The following GMDS variants were observed in gnomAD, a reference collection of about 807,000 sequenced individuals.
The protein encoded by GMDS is GDP-mannose 4,6-dehydratase.
GMDS carries 20 observed loss-of-function variants against 49.9 expected under a neutral mutation model. The ratio of observed to expected loss-of-function variants is 0.40; its 90% confidence interval spans 0.28 to 0.58. GMDS has a LOEUF of 0.58. Ranked by LOEUF, GMDS falls within the 20% of genes least tolerant of loss-of-function variation. The pLI is 0.42. For synonymous variants in GMDS, 177 were observed against 178.6 expected, an observed-to-expected ratio of 0.99 and a Z score of 0.07; for missense variants, 362 against 481.4, an observed-to-expected ratio of 0.75 and a Z score of 2.32.
intron 8 of GMDS, among the ~76,000 whole-genome samples, chr6:1,736,773 A>G (rs561957198): frequency 4.7e-4 from 71 of 152,326 alleles, no homozygotes; most frequent in Non-Finnish European, 6.3e-4. Flanking sequence ...TTGCCCCTAC[A>G]TAGAACCCTT....
At chr6:2,186,188 T>C (rs1316719890) in intron 1 of GMDS, among the ~76,000 whole-genome samples, 8 of 152,128 alleles carry the variant, frequency 5.3e-5, no homozygotes, top group Admixed American at 5.2e-4. Context: ...AAAGGGAATG[T>C]AGGAAAATGA....
chr6:1,922,686 A>G (rs570006667), intron 7 of GMDS, among the ~76,000 whole-genome samples: 1 of 152,272 alleles, frequency 6.6e-6, no homozygotes, highest in South Asian at 2.1e-4. Context: ...GTTTGACTGG[A>G]GAGGGAAAAC....
At chr6:2,222,114 G>T (rs1305655817) in intron 1 of GMDS, among the ~76,000 whole-genome samples, 2 of 152,240 alleles carry the variant, frequency 1.3e-5, no homozygotes, top group African/African-American at 2.4e-5. Flanking sequence ...CTAGTATGCT[G>T]AAGTCTGATA....
chr6:1,648,478 T>C (rs539480279), intron 9 of GMDS, among the ~76,000 whole-genome samples: 1 of 152,338 alleles, frequency 6.6e-6, no homozygotes, highest in Non-Finnish European at 1.5e-5. Context: ...CTCCATAAAG[T>C]ATGGCTTAAT....
At chr6:2,195,470 T>C (rs972030007) in intron 1 of GMDS, among the ~76,000 whole-genome samples, 3 of 152,206 alleles carry the variant, frequency 2.0e-5, no homozygotes, top group Admixed American at 1.3e-4. Context: ...TTGCTGCATA[T>C]ATATTCTAAA....
intron 7 of GMDS, among the ~76,000 whole-genome samples, chr6:1,815,379 C>A (rs1015949031): frequency 6.6e-6 from 1 of 152,174 alleles, no homozygotes; most frequent in Non-Finnish European, 1.5e-5. Context: ...AAAATAGTTA[C>A]AGCAGAAAAT....
At chr6:1,996,713 G>A (rs1424088659) in intron 4 of GMDS, among the ~76,000 whole-genome samples, 1 of 152,130 alleles carries the variant, frequency 6.6e-6, no homozygotes, top group African/African-American at 2.4e-5. Flanking sequence ...CTTCTAGGAA[G>A]CTGCACACAT....
chr6:1,624,645 A>G, intron 9 of GMDS, 105 bp from the exon 10 acceptor site: 1 of 768,626 alleles, frequency 1.3e-6, no homozygotes, highest in South Asian at 1.6e-5. Context: ...CTGGGCGCAC[A>G]AGGCTCCGGG....
intron 9 of GMDS, among the ~76,000 whole-genome samples, chr6:1,650,162 G>T (rs1176984609): frequency 6.6e-6 from 1 of 152,090 alleles, no homozygotes; most frequent in African/African-American, 2.4e-5. Context: ...CTAGCTCGTG[G>T]GGACTGGTGC....
chr6:1,711,384 G>A (rs1765957152), intron 9 of GMDS, among the ~76,000 whole-genome samples: 1 of 152,246 alleles, frequency 6.6e-6, no homozygotes, highest in East Asian at 1.9e-4. Flanking sequence ...CTAGGCTTAA[G>A]AACCATGGAC....
intron 9 of GMDS, among the ~76,000 whole-genome samples, chr6:1,639,870 C>CTTTGTT (rs1481446159): frequency 6.6e-6 from 1 of 152,138 alleles, no homozygotes; most frequent in Non-Finnish European, 1.5e-5. Flanking sequence ...AGAGCCAGAC[C>CTTTGTT]TTGTCTCAAA....
chr6:2,061,718 C>CAAAAAAAAA (rs68037512), intron 4 of GMDS, among the ~76,000 whole-genome samples: 1 of 57,108 alleles, frequency 1.8e-5, no homozygotes. Context: ...GACTCTGTCT[C>CAAAAAAAAA]AAAAAAAAAA....
In GMDS at chr6:1,897,447, G is replaced by A. The variant is rs115298771; in HGVS notation, c.771+32656C>T. On this transcript the variant is annotated intron_variant, in intron 7 of 10. Transcript: ENST00000380815. The stretch of plus-strand genomic sequence containing the variant: ...AATTCAGCCCATAGCAGAGGCTGAG[G>A]ATGGCATCCTGGAAAGGGAGCTTAA... Among the ~76,000 whole-genome samples the A allele has an allele frequency of 7.4e-3, 1,129 of 152,294 alleles. 21 individuals are homozygous for A. The highest frequency in any genetic ancestry group is 0.025 in the African/African-American group (1,039 of 41,546).
intron 9 of GMDS, among the ~76,000 whole-genome samples, chr6:1,661,186 C>T (rs751854692): frequency 1.3e-5 from 2 of 152,060 alleles, no homozygotes; most frequent in East Asian, 3.9e-4. Flanking sequence ...TGCGTACAGG[C>T]CTCACTGATA....
intron 1 of GMDS, among the ~76,000 whole-genome samples, chr6:2,185,385 C>T (rs1778733764): frequency 6.6e-6 from 1 of 152,204 alleles, no homozygotes. Context: ...AAAACTACTG[C>T]ACTTTACATT....
chr6:2,236,014 T>C (rs1379080867), intron 1 of GMDS, among the ~76,000 whole-genome samples: 2 of 152,190 alleles, frequency 1.3e-5, no homozygotes, highest in Non-Finnish European at 2.9e-5. Flanking sequence ...CATCTGTAGA[T>C]AGCATTTTAA....
At chr6:1,782,074 G>T (rs1003215848) in intron 7 of GMDS, among the ~76,000 whole-genome samples, 1 of 152,248 alleles carries the variant, frequency 6.6e-6, no homozygotes, top group East Asian at 1.9e-4. Context: ...TTTATGATGA[G>T]TAAAATTAAT....
intron 8 of GMDS, among the ~76,000 whole-genome samples, chr6:1,731,516 G>C (rs902447884): frequency 2.6e-5 from 4 of 152,198 alleles, no homozygotes; most frequent in African/African-American, 9.6e-5. Flanking sequence ...GTTTCCCATG[G>C]TGATACTGCA....
chr6:1,850,110 C>T lies in GMDS; in HGVS notation c.771+79993G>A, dbSNP rs1757592142. Among the ~76,000 whole-genome samples, 4 of 152,200 alleles carry T rather than the reference C, an allele frequency of 2.6e-5. No individual in the cohort carries two copies. The South Asian group carries it at 8.3e-4, about 31-fold the overall frequency. On this transcript the variant is annotated intron_variant, in intron 7 of 10. Transcript: ENST00000380815. The stretch of plus-strand genomic sequence containing the variant: ...TTCTTCCTAATCCTCCTCATGCAAT[C>T]TCATGGGTCTTCTGCTAACTGCCTC...
Sources: gnomAD v4.1 joint callset for allele counts (sites outside exome capture counted in the v4.1 genomes callset) on GRCh38, gnomAD v4.1.1 for gene constraint, MANE v1.5 for transcripts, NCBI Gene and HGNC (gene_info 2026-07-23, HGNC 2026-07-21) for gene names.